Variants in TXK observed in about 807,000 individuals in gnomAD.
TXK encodes the protein TXK tyrosine kinase, also known as tyrosine-protein kinase TXK.
Under a neutral mutation model 81.0 loss-of-function variants are expected in TXK, and 60 were observed. The observed-to-expected ratio is 0.74, with a 90% CI of 0.60 to 0.92. TXK has a LOEUF of 0.92. TXK is among the 40% of genes least tolerant of loss of function. TXK has a pLI of 0.00. For synonymous variants in TXK, 203 were observed against 210.7 expected, an observed-to-expected ratio of 0.96 and a Z score of 0.32; for missense variants, 581 against 638.3, an observed-to-expected ratio of 0.91 and a Z score of 0.97.
chr4:48,122,075 C>T (rs888590353), intron 1 of TXK, among the ~76,000 whole-genome samples: 1 of 152,188 alleles, frequency 6.6e-6, no homozygotes, highest in Non-Finnish European at 1.5e-5. Flanking sequence ...CTTCTTCCTG[C>T]TTCTCCTCCT....
At chr4:48,089,973 AT>A in intron 8 of TXK, 149 bp from the exon 9 acceptor site, 1 of 519,584 alleles carries the variant, frequency 1.9e-6, no homozygotes. Context: ...ATTTTCCCAC[AT>A]TTTCCAAAAA....
chr4:48,121,629 T>A (rs1244088731), intron 1 of TXK, among the ~76,000 whole-genome samples: 1 of 152,202 alleles, frequency 6.6e-6, no homozygotes, highest in Admixed American at 6.5e-5. Context: ...TAATACCTAA[T>A]ACAATGTAAA....
At chr4:48,085,333 G>A (rs778275375) in intron 10 of TXK, among the ~76,000 whole-genome samples, 12 of 151,924 alleles carry the variant, frequency 7.9e-5, no homozygotes, top group Non-Finnish European at 1.2e-4. Context: ...TTTGGCCACC[G>A]GAGGATGCCC....
intron 1 of TXK, among the ~76,000 whole-genome samples, chr4:48,127,692 A>G (rs1719126167): frequency 1.3e-5 from 2 of 152,212 alleles, no homozygotes; most frequent in Non-Finnish European, 2.9e-5. Flanking sequence ...CTCATTCCTC[A>G]GTAAATATCT....
intron 1 of TXK, among the ~76,000 whole-genome samples, chr4:48,120,651 C>T (rs376057758): frequency 6.6e-6 from 1 of 151,918 alleles, no homozygotes; most frequent in African/African-American, 2.4e-5. Flanking sequence ...TCACCATGCC[C>T]GGCTAATTTT....
At chr4:48,129,722 C>G (rs1440743962) in intron 1 of TXK, among the ~76,000 whole-genome samples, 3 of 152,210 alleles carry the variant, frequency 2.0e-5, no homozygotes, top group African/African-American at 7.2e-5. Context: ...GGCAATTTTT[C>G]TTTCTTTCTC....
chr4:48,073,378 G>A (rs2109398148), intron 13 of TXK, among the ~76,000 whole-genome samples: 1 of 152,240 alleles, frequency 6.6e-6, no homozygotes, highest in Admixed American at 6.5e-5. Context: ...TTGGACGTGG[G>A]TCTATGGTGT....
intron 1 of TXK, among the ~76,000 whole-genome samples, chr4:48,115,905 A>G (rs773096883): frequency 1.3e-5 from 2 of 152,160 alleles, no homozygotes; most frequent in Non-Finnish European, 2.9e-5. Context: ...TTATTTTCAT[A>G]GAACCTACAT....
At chr4:48,106,469 C>T (rs1718463045) in intron 5 of TXK, among the ~76,000 whole-genome samples, 1 of 151,660 alleles carries the variant, frequency 6.6e-6, no homozygotes, top group Non-Finnish European at 1.5e-5. Context: ...CAACTAAGAC[C>T]AAATGATGTG....
chr4:48,074,093 T>G (rs1363789494), intron 12 of TXK, 40 bp from the exon 13 acceptor site: 1 of 1,449,310 alleles, frequency 6.9e-7, no homozygotes, highest in Admixed American at 1.7e-5. Flanking sequence ...GTTAATTACC[T>G]CCAAGCTCTA....
chr4:48,130,281 A>G (rs745476566), intron 1 of TXK, among the ~76,000 whole-genome samples: 1 of 152,172 alleles, frequency 6.6e-6, no homozygotes, highest in African/African-American at 2.4e-5. Flanking sequence ...TACAACACTT[A>G]TCTCACACTT....
At chr4:48,127,289 G>T (rs1294370106) in intron 1 of TXK, among the ~76,000 whole-genome samples, 1 of 152,226 alleles carries the variant, frequency 6.6e-6, no homozygotes, top group Non-Finnish European at 1.5e-5. Context: ...ACAGGTTGAA[G>T]TGTTGGGCCA....
At chr4:48,125,779 G>A (rs561544867) in intron 1 of TXK, among the ~76,000 whole-genome samples, 1 of 152,326 alleles carries the variant, frequency 6.6e-6, no homozygotes, top group South Asian at 2.1e-4. Context: ...TGTGGAAACT[G>A]GCAAGTCCAA....
At chr4:48,121,481 C>A (rs1025840649) in intron 1 of TXK, among the ~76,000 whole-genome samples, 1 of 152,104 alleles carries the variant, frequency 6.6e-6, no homozygotes, top group African/African-American at 2.4e-5. Flanking sequence ...CCCCAGTGTC[C>A]ATGGGAGATT....
rs1220236653 is a variant in TXK at position 48,067,092 on chromosome 4, T to C, written c.*545A>G. The C allele has an allele frequency of 6.6e-6, 1 of 152,498 alleles. No homozygotes were observed. The highest frequency in any genetic ancestry group is 2.4e-5 in the African/African-American group (1 of 41,442). 9.4% of individuals were successfully genotyped at this position (152,498 alleles called of 1,614,324 possible). On this transcript the variant is annotated 3_prime_UTR_variant, in exon 15 of 15. Coordinates refer to ENST00000264316, the MANE Select transcript of TXK (RefSeq NM_003328.3). ...CAATTTGTTAAATAACATGGGAAGA[T>C]TATATTAACAAAAGACATTTCCAGA...
At chr4:48,092,408 G>C (rs550430013) in intron 8 of TXK, among the ~76,000 whole-genome samples, 17 of 152,292 alleles carry the variant, frequency 1.1e-4, no homozygotes, top group Non-Finnish European at 2.4e-4. Flanking sequence ...ATGTAGCAGA[G>C]AGGACCTGAA....
chr4:48,067,743 C>A (rs2109389174), intron 14 of TXK, 38 bp from the exon 15 acceptor site: 4 of 1,587,068 alleles, frequency 2.5e-6, no homozygotes, highest in Non-Finnish European at 3.5e-6. Context: ...CTCAGCTTAA[C>A]CAACTTATGC....
At chr4:48,075,835 A>G (rs1487069066) in intron 12 of TXK, among the ~76,000 whole-genome samples, 1 of 152,188 alleles carries the variant, frequency 6.6e-6, no homozygotes, top group Non-Finnish European at 1.5e-5. Flanking sequence ...ACGAGACACA[A>G]GAACTTGGAC....
At position 48,081,112 on chromosome 4, in the gene TXK, T is replaced by C. The variant is rs139785693; in HGVS notation, c.957-984A>G. On this transcript the variant is annotated intron_variant, in intron 10 of 14. Coordinates refer to ENST00000264316, the MANE Select transcript of TXK (RefSeq NM_003328.3). ...ATCTTAATTTGGAGATATATATATA[T>C]TATATATATTTTGTCTGATTTACTT... is the stretch of plus-strand genomic sequence containing the variant. Among the ~76,000 whole-genome samples, 971 of 151,962 alleles carry C rather than the reference T, an allele frequency of 6.4e-3. 6 individuals are homozygous for C. Among genetic ancestry groups the C allele is most frequent in the Middle Eastern group, 0.041 (12 of 292 alleles).
Sources: allele counts gnomAD v4.1 joint callset (sites outside exome capture counted in the v4.1 genomes callset), GRCh38; gene constraint gnomAD v4.1.1; transcripts MANE v1.5; gene names NCBI Gene and HGNC (gene_info 2026-07-23, HGNC 2026-07-21).